The following KCNQ5 variants were observed in gnomAD, a reference collection of about 807,000 sequenced individuals.
The protein encoded by KCNQ5 is potassium voltage-gated channel subfamily KQT member 5.
KCNQ5 carries 30 observed loss-of-function variants against 98.2 expected under a neutral mutation model. The ratio of observed to expected loss-of-function variants is 0.31; its 90% confidence interval spans 0.23 to 0.41. The LOEUF (loss-of-function observed/expected upper bound fraction) is 0.41, where lower values mean the gene tolerates loss of function less well. Among genes scored for constraint, KCNQ5 ranks in the 10% least tolerant of loss-of-function variants. KCNQ5 has a pLI of 1.00. For synonymous variants in KCNQ5, 458 were observed against 449.4 expected, an observed-to-expected ratio of 1.02 and a Z score of -0.24; for missense variants, 835 against 1,182.5, an observed-to-expected ratio of 0.71 and a Z score of 4.31.
intron 1 of KCNQ5, among the ~76,000 whole-genome samples, chr6:72,643,661 G>A (rs550038606): frequency 7.5e-4 from 114 of 152,188 alleles, no homozygotes; most frequent in African/African-American, 2.6e-3. Context: ...AAAAAACCTG[G>A]AGAGGCCAAA....
intron 5 of KCNQ5, among the ~76,000 whole-genome samples, chr6:73,087,628 A>C (rs1026433378): frequency 6.6e-6 from 1 of 152,190 alleles, no homozygotes; most frequent in Non-Finnish European, 1.5e-5. Context: ...AAAAGAAAGG[A>C]AAGTCTAAGA....
intron 1 of KCNQ5, among the ~76,000 whole-genome samples, chr6:72,811,175 G>T (rs903560969): frequency 2.6e-5 from 4 of 152,184 alleles, no homozygotes; most frequent in African/African-American, 9.6e-5. Context: ...CCACTAACTG[G>T]CATTGAGCTT....
At chr6:73,146,108 T>C (rs1338821365) in intron 10 of KCNQ5, among the ~76,000 whole-genome samples, 4 of 152,222 alleles carry the variant, frequency 2.6e-5, no homozygotes, top group African/African-American at 7.2e-5. Flanking sequence ...TTTAGAATTC[T>C]CCAGCAGATT....
intron 11 of KCNQ5, among the ~76,000 whole-genome samples, chr6:73,182,990 T>G (rs953841632): frequency 6.6e-6 from 1 of 152,156 alleles, no homozygotes; most frequent in African/African-American, 2.4e-5. Context: ...AGAAGGGACC[T>G]TATGAGAGAA....
At chr6:72,749,271 A>G (rs562900541) in intron 1 of KCNQ5, among the ~76,000 whole-genome samples, 22 of 152,222 alleles carry the variant, frequency 1.4e-4, no homozygotes, top group African/African-American at 5.1e-4. Flanking sequence ...ATAGAATACC[A>G]ATTTATCCAG....
At chr6:73,117,590 G>A (rs1276572534) in intron 7 of KCNQ5, among the ~76,000 whole-genome samples, 1 of 151,982 alleles carries the variant, frequency 6.6e-6, no homozygotes, top group Non-Finnish European at 1.5e-5. Context: ...CTGTTGTTTT[G>A]GATTTTTTCA....
intron 1 of KCNQ5, among the ~76,000 whole-genome samples, chr6:72,945,296 A>G (rs890775054): frequency 1.3e-5 from 2 of 152,010 alleles, no homozygotes; most frequent in Middle Eastern, 3.4e-3. Flanking sequence ...GTACATGTGC[A>G]CAACGTGCAC....
chr6:73,055,048 A>G (rs907089518), intron 3 of KCNQ5: 1 of 598,304 alleles, frequency 1.7e-6, no homozygotes, highest in Non-Finnish European at 3.1e-6. Flanking sequence ...CACCAACAAC[A>G]TCCAAGCTGA....
chr6:72,716,189 G>C (rs9968824), intron 1 of KCNQ5, among the ~76,000 whole-genome samples: 2,697 of 152,136 alleles, frequency 0.018, 81 homozygotes, highest in African/African-American at 0.061. Flanking sequence ...TGTCCCTTAA[G>C]TTTACTTAAA....
chr6:72,911,084 C>G (rs1689168359), intron 1 of KCNQ5, among the ~76,000 whole-genome samples: 1 of 151,998 alleles, frequency 6.6e-6, no homozygotes, highest in Non-Finnish European at 1.5e-5. Flanking sequence ...AATGGAAAGC[C>G]GATGAAGGCT....
intron 1 of KCNQ5, among the ~76,000 whole-genome samples, chr6:72,915,400 T>C (rs1365403360): frequency 6.6e-6 from 1 of 152,068 alleles, no homozygotes; most frequent in Non-Finnish European, 1.5e-5. Context: ...TTGATTCTTT[T>C]CTCCCAAATA....
chr6:73,167,434 C>T (rs991390313), intron 10 of KCNQ5, among the ~76,000 whole-genome samples: 2 of 152,202 alleles, frequency 1.3e-5, no homozygotes, highest in Non-Finnish European at 2.9e-5. Context: ...CCTCAGGGAA[C>T]TGGATTCTAA....
chr6:73,077,131 C>T (rs973162927), intron 3 of KCNQ5, among the ~76,000 whole-genome samples, 191 bp from the exon 4 acceptor site: 1 of 152,152 alleles, frequency 6.6e-6, no homozygotes, highest in Non-Finnish European at 1.5e-5. Flanking sequence ...AGGTAGGTCC[C>T]ATTCTCTGCC....
chr6:72,839,713 C>A (rs1776699430), intron 1 of KCNQ5, among the ~76,000 whole-genome samples: 1 of 152,096 alleles, frequency 6.6e-6, no homozygotes, highest in Non-Finnish European at 1.5e-5. Context: ...TGGGGTACAA[C>A]ATGATGTTTT....
At chr6:72,851,169 A>G (rs551914242) in intron 1 of KCNQ5, among the ~76,000 whole-genome samples, 165 of 152,332 alleles carry the variant, frequency 1.1e-3, no homozygotes, top group African/African-American at 3.7e-3. Context: ...TAGTTCAAAC[A>G]TTAGAAAGCT....
At chr6:72,810,377 C>T (rs978822063) in intron 1 of KCNQ5, among the ~76,000 whole-genome samples, 8 of 152,176 alleles carry the variant, frequency 5.3e-5, no homozygotes, top group South Asian at 2.1e-4. Flanking sequence ...GATCTAAACA[C>T]TAGAGCTAAT....
chr6:73,023,990 T>G (rs373149691), intron 2 of KCNQ5, among the ~76,000 whole-genome samples: 1 of 152,080 alleles, frequency 6.6e-6, no homozygotes, highest in African/African-American at 2.4e-5. Context: ...AAGGTTTAGG[T>G]TTTTTATCTA....
intron 1 of KCNQ5, among the ~76,000 whole-genome samples, chr6:72,739,768 G>C (rs539100136): frequency 6.6e-6 from 1 of 152,120 alleles, no homozygotes; most frequent in Non-Finnish European, 1.5e-5. Context: ...CTGACTATTC[G>C]ATAGTCCCAG....
chr6:73,169,860 T>C lies in KCNQ5; in HGVS notation c.1577+6T>C. 6.5e-7 allele frequency: 1 copy of C among 1,544,476 alleles called. No homozygotes were observed. Among genetic ancestry groups the C allele is most frequent in the Non-Finnish European group, 9.0e-7 (1 of 1,116,308 alleles). On this transcript the variant is annotated splice_donor_region_variant and intron_variant, in intron 11 of 13. Coordinates refer to ENST00000370398, the MANE Select transcript of KCNQ5 (RefSeq NM_019842.4). ...ACTGTCATTCGAGCTATCAGGTTGG[T>C]GAAAATCTTGAACAACGTGATTCAG...
Sources: gnomAD v4.1 joint callset for allele counts (sites outside exome capture counted in the v4.1 genomes callset) on GRCh38, gnomAD v4.1.1 for gene constraint, MANE v1.5 for transcripts, NCBI Gene and HGNC (gene_info 2026-07-23, HGNC 2026-07-21) for gene names.